The following KLRC1 variants were observed in gnomAD, a reference collection of about 807,000 sequenced individuals.
KLRC1 encodes NKG2-A/NKG2-B type II integral membrane protein.
In KLRC1, 22 loss-of-function variants were observed where a neutral mutation model predicts 25.9. That is an observed-to-expected ratio of 0.85 (90% CI 0.61 to 1.21). KLRC1 has a LOEUF of 1.21. Ranked by LOEUF, KLRC1 falls within the 50% of genes most tolerant of loss-of-function variation. The probability of loss-of-function intolerance (pLI) is 0.00; values close to 1 mark genes in which losing one functional copy is unlikely to be tolerated. For synonymous variants in KLRC1, 77 were observed against 93.1 expected (o/e 0.83, Z 0.99); for missense variants, 240 against 272.2 (o/e 0.88, Z 0.83).
rs1218407717 is a variant in KLRC1 at position 10,447,755 on chromosome 12, A to T, written c.490-123T>A. 7.9e-6 allele frequency: 6 copies of T among 763,836 alleles called. No homozygotes were observed. The Admixed American group carries it at 1.7e-4, about 22-fold the overall frequency. 47.3% of individuals were successfully genotyped at this position (763,836 alleles called of 1,614,324 possible). On this transcript the variant is annotated intron_variant, in intron 5 of 6. Transcript: ENST00000359151. Reference sequence around the variant, plus strand: ...ACTTTCATAAATGTTTATAATTTTGATATAAATGAACCCGTCAATGTTTAT... The same window carrying T: ...ACTTTCATAAATGTTTATAATTTTGTTATAAATGAACCCGTCAATGTTTAT...
At chr12:10,445,005 C>T (rs540865304), downstream of KLRC1, among the ~76,000 whole-genome samples, 30 of 149,264 alleles carry the variant, frequency 2.0e-4, no homozygotes, top group East Asian at 5.6e-3. Context: ...CTGCAACCTC[C>T]GACCCCTGGT....
downstream of KLRC1, among the ~76,000 whole-genome samples, chr12:10,444,904 A>G (rs1192821986): frequency 1.4e-5 from 2 of 147,748 alleles, no homozygotes; most frequent in African/African-American, 5.0e-5. Flanking sequence ...CATAAAATAT[A>G]TATGCACTAA....
rs537678584 is a variant in KLRC1, at chr12:10,449,636, T to C, written c.338-248A>G. ...AGCAAACAAAAATCCACTCTATACA[T>C]GTCTTGAAAAATCAATGAACTAATC... On this transcript the variant is annotated intron_variant, in intron 4 of 6. Transcript: ENST00000359151. Among the ~76,000 whole-genome samples the C allele has an allele frequency of 4.6e-5, 7 of 152,258 alleles. No individual in the cohort carries two copies. The South Asian group carries it at 1.2e-3, about 27-fold the overall frequency.
At chr12:10,443,664 C>A (rs1200021001), downstream of KLRC1, among the ~76,000 whole-genome samples, 2 of 141,366 alleles carry the variant, frequency 1.4e-5, 1 homozygote, top group African/African-American at 5.4e-5. Flanking sequence ...CACTCATATG[C>A]ACACACTCAC....
intron 6 of KLRC1, 182 bp downstream of exon 6, chr12:10,447,350 A>T: frequency 2.0e-6 from 1 of 495,660 alleles, no homozygotes. Flanking sequence ...TTACTAGCTG[A>T]CCAATGAGCG....
chr12:10,447,721 G>A (rs2137889950), intron 5 of KLRC1, 89 bp from the exon 6 acceptor site: 1 of 1,073,130 alleles, frequency 9.3e-7, no homozygotes, highest in South Asian at 1.7e-5. Context: ...ACTATTTGCA[G>A]TGCCAAAAAC....
chr12:10,453,536 T>G (rs147016885), upstream of KLRC1, among the ~76,000 whole-genome samples: 1 of 151,398 alleles, frequency 6.6e-6, no homozygotes, highest in East Asian at 1.9e-4. Flanking sequence ...TGTCATTTAG[T>G]TGGTTCATTT....
In KLRC1 at chr12:10,453,291, T is replaced by G; in HGVS notation, c.-125A>C. ...ATAGCTGTGTAATAAAAGGTGAAAT[T>G]TAAAGGCATAAATCCAAGACAAGAA... On this transcript the variant is annotated 5_prime_UTR_variant, in exon 1 of 7. Coordinates refer to ENST00000359151, the MANE Select transcript of KLRC1 (RefSeq NM_002259.5). The G allele has an allele frequency of 1.0e-6, 1 of 985,372 alleles. No homozygotes were observed. The highest frequency in any genetic ancestry group is 1.2e-6 in the Non-Finnish European group (1 of 829,910). 61.0% of individuals were successfully genotyped at this position (985,372 alleles called of 1,614,324 possible).
intron 2 of KLRC1, 129 bp downstream of exon 2, chr12:10,450,841 T>C: frequency 1.4e-6 from 1 of 734,374 alleles, no homozygotes; most frequent in Non-Finnish European, 2.3e-6. Flanking sequence ...TGAAATAGCA[T>C]ATCTCAACTT....
chr12:10,444,117 A>G (rs1460435478), downstream of KLRC1, among the ~76,000 whole-genome samples: 1 of 138,118 alleles, frequency 7.2e-6, no homozygotes, highest in Non-Finnish European at 1.6e-5. Context: ...TCTCTTGTAA[A>G]AACTGATTGC....
rs1463693649 is a variant in KLRC1 at position 10,449,225 on chromosome 12, T to C, written c.489+12A>G. On this transcript the variant is annotated intron_variant, in intron 5 of 6. Transcript: ENST00000359151. The stretch of plus-strand genomic sequence containing the variant: ...AGCTTTTCATAAAGTGTTTAAAACA[T>C]TTACATCTTACCATTTCTTCTTCAT... The C allele has an allele frequency of 6.2e-7, 1 of 1,613,606 alleles. No individual in the cohort carries two copies. The highest frequency in any genetic ancestry group is 8.5e-7 in the Non-Finnish European group (1 of 1,179,646).
Position 10,453,356 on chromosome 12 carries a change from G to C in KLRC1, c.-190C>G, listed in dbSNP as rs1864160801. ...AATCTTCGCAGACTGCCCTGTGAAGGCTCAGAGTGAGTCAAGAGTGGAAAA... is the reference window on the plus strand; with the variant it reads ...AATCTTCGCAGACTGCCCTGTGAAGCCTCAGAGTGAGTCAAGAGTGGAAAA... On this transcript the variant is annotated 5_prime_UTR_variant, in exon 1 of 7. Transcript: ENST00000359151. The C allele has an allele frequency of 1.0e-6, 1 of 985,262 alleles. No homozygotes were observed. Among genetic ancestry groups the C allele is most frequent in the African/African-American group, 1.7e-5 (1 of 57,226 alleles). The allele number at this position is 985,262 out of a possible 1,614,324, so 61.0% of individuals were successfully genotyped here. A position where few individuals can be genotyped will look rare whatever the true frequency, so the allele number is the denominator to read the frequency against.
intron 4 of KLRC1, 83 bp from the exon 5 acceptor site, chr12:10,449,471 A>G: frequency 6.4e-7 from 1 of 1,558,072 alleles, no homozygotes; most frequent in South Asian, 1.2e-5. Context: ...AAACATATAA[A>G]CCTATACGTA....
At chr12:10,453,871 A>G (rs1864167692), upstream of KLRC1, among the ~76,000 whole-genome samples, 1 of 152,144 alleles carries the variant, frequency 6.6e-6, no homozygotes, top group African/African-American at 2.4e-5. Context: ...AAATTTTTGC[A>G]CTTAATTTTT....
Position 10,451,075 on chromosome 12 carries a change from T to C in KLRC1, c.82A>G (p.Lys28Glu), listed in dbSNP as rs1008879588. 3.1e-6 allele frequency: 5 copies of C among 1,614,012 alleles called. No homozygotes were observed. The African/African-American group carries it at 6.7e-5, about 22-fold the overall frequency. Residue 28 changes from lysine (K) to glutamate (E), a missense_variant, in exon 2 of 7, where the codon AAA becomes GAA. By Grantham distance (56) the Lys-to-Glu change is moderately conservative. Coordinates refer to ENST00000359151, the MANE Select transcript of KLRC1 (RefSeq NM_002259.5). ...KRQQRKPKGNKNSILATEQEI... is the reference protein window; with the variant it reads ...KRQQRKPKGNENSILATEQEI... ...TGTTCAGTTGCTAAAATGGAGTTTT[T>C]ATTGCCTTTAGGTTTTCGTTGCTGC...
rs1367106551 is a variant in KLRC1 at position 10,447,553 on chromosome 12, T to A, written c.569A>T (p.Asn190Ile). 6.2e-7 allele frequency: 1 copy of A among 1,609,970 alleles called. No homozygotes were observed. The highest frequency in any genetic ancestry group is 8.5e-7 in the Non-Finnish European group (1 of 1,177,736). ...NSSHHPWVTM[N>I]GLAFKHEIKD... ...TTACTCATGTTTGAAAGCCAAACCA[T>A]TCATTGTCACCCATGGATGATGACT... The change falls in exon 6 of 7, where the codon AAT (asparagine) becomes ATT (isoleucine). Residue 190 changes from asparagine to isoleucine, a missense_variant. Coordinates refer to ENST00000359151, the MANE Select transcript of KLRC1 (RefSeq NM_002259.5).
chr12:10,444,622 T>C (rs1320536691), downstream of KLRC1, among the ~76,000 whole-genome samples: 3 of 152,206 alleles, frequency 2.0e-5, no homozygotes, highest in Non-Finnish European at 1.5e-5. Flanking sequence ...GTGCATCAAA[T>C]AGAAATCCGA....
rs1230440942 is a variant in KLRC1 at position 10,451,175 on chromosome 12, C to A, written c.-19G>T. 12 of 1,602,550 alleles carry A rather than the reference C, an allele frequency of 7.5e-6. No homozygotes were observed. The highest frequency in any genetic ancestry group is 1.0e-5 in the Non-Finnish European group (12 of 1,174,240). ...TATCCATCTCTGCAGTGTGTGATGT[C>A]AGGGACTGTACTCTATAATAACAGT... On this transcript the variant is annotated 5_prime_UTR_variant, in exon 2 of 7. The change abolishes the stop of an existing upstream ORF in the 5' untranslated region. Coordinates refer to ENST00000359151, the MANE Select transcript of KLRC1 (RefSeq NM_002259.5).
At chr12:10,443,215 ATGTC>A (rs1863933928), downstream of KLRC1, among the ~76,000 whole-genome samples, 3 of 141,660 alleles carry the variant, frequency 2.1e-5, 1 homozygote, top group Non-Finnish European at 4.6e-5. Context: ...TTTTTACATG[ATGTC>A]ATTATTATGC....
Sources: allele counts gnomAD v4.1 joint callset (sites outside exome capture counted in the v4.1 genomes callset), GRCh38; gene constraint gnomAD v4.1.1; transcripts MANE v1.5; gene names NCBI Gene and HGNC (gene_info 2026-07-23, HGNC 2026-07-21).